Variants in F11R observed in about 807,000 individuals in gnomAD.
The protein encoded by F11R is F11 receptor, also known as junctional adhesion molecule A.
Under a neutral mutation model 39.3 loss-of-function variants are expected in F11R, and 27 were observed. That is an observed-to-expected ratio of 0.69 (90% CI 0.51 to 0.95). The LOEUF (loss-of-function observed/expected upper bound fraction) is 0.95, where lower values mean the gene tolerates loss of function less well. Ranked by LOEUF, F11R falls within the 40% of genes least tolerant of loss-of-function variation. The pLI, the probability that F11R is intolerant of heterozygous loss-of-function variation, is 0.00. For missense variants in F11R, 335 were observed against 372.7 expected (o/e 0.90, Z 0.83); for synonymous variants, 131 against 144.9 (o/e 0.90, Z 0.69).
rs578195113 is a variant in F11R, at chr1:161,016,248, G to A, written c.64+4762C>T. Among the ~76,000 whole-genome samples, 8 of 152,064 alleles carry A rather than the reference G, an allele frequency of 5.3e-5. No homozygotes were observed. In the South Asian group the frequency reaches 1.0e-3, roughly 20 times the overall value. On this transcript the variant is annotated intron_variant, in intron 1 of 9. Transcript: ENST00000368026. ...TCCCAGCACTTTTGGAGGCCGTGGC[G>A]GGCAGATCATGAGGTCAGGAGATCA...
intron 1 of F11R, among the ~76,000 whole-genome samples, chr1:161,015,397 C>CAA (rs72369371): frequency 0.017 from 1,952 of 113,582 alleles, 28 homozygotes; most frequent in Non-Finnish European, 0.022. Context: ...GACTCCATCT[C>CAA]AAAAAAAAAA....
intron 1 of F11R, among the ~76,000 whole-genome samples, chr1:161,007,222 T>G (rs890523510): frequency 2.7e-5 from 4 of 150,726 alleles, no homozygotes; most frequent in Admixed American, 2.0e-4. Context: ...TCCCAGCACT[T>G]TGGGAGGCCA....
intron 1 of F11R, among the ~76,000 whole-genome samples, chr1:161,012,655 G>C (rs2101985316): frequency 6.7e-6 from 1 of 148,818 alleles, no homozygotes; most frequent in South Asian, 2.2e-4. Context: ...CAGAGTTTTT[G>C]CTCTCGTCAC....
chr1:161,016,571 C>T (rs901856736), intron 1 of F11R, among the ~76,000 whole-genome samples: 6 of 151,224 alleles, frequency 4.0e-5, no homozygotes, highest in East Asian at 1.9e-4. Context: ...GCAGGAGAAT[C>T]GCTTGAAGCC....
At position 161,000,687 on chromosome 1, in the gene F11R, A is replaced by G; in HGVS notation, c.332T>C (p.Val111Ala). Residue 111 changes from valine to alanine, a missense_variant, in exon 4 of 10, where the codon GTC becomes GCC. Physicochemically the swap from Val to Ala is moderately conservative, Grantham distance 64. Coordinates refer to ENST00000368026, the MANE Select transcript of F11R (RefSeq NM_016946.6). Reference sequence around the variant, plus strand: ...ATAGCTGTTGCCGCCTTCCTCAGAGACCATACAAGTGTATGTCCCAGTGTC... The same window carrying G: ...ATAGCTGTTGCCGCCTTCCTCAGAGGCCATACAAGTGTATGTCCCAGTGTC... ...REDTGTYTCM[V>A]SEEGGNSYGE... The G allele has an allele frequency of 1.9e-6, 3 of 1,614,132 alleles. No homozygotes were observed. The highest frequency in any genetic ancestry group is 2.5e-6 in the Non-Finnish European group (3 of 1,180,028).
intron 1 of F11R, among the ~76,000 whole-genome samples, chr1:161,017,756 C>T (rs1191141119): frequency 1.3e-5 from 2 of 151,816 alleles, no homozygotes; most frequent in East Asian, 1.9e-4. Flanking sequence ...AGTCTCGTTC[C>T]ACCTTACGAG....
chr1:161,009,317 A>G (rs549832075), intron 1 of F11R, among the ~76,000 whole-genome samples: 3 of 152,252 alleles, frequency 2.0e-5, no homozygotes, highest in African/African-American at 7.2e-5. Context: ...CATGTCTCCC[A>G]TGGTAAACCC....
chr1:161,000,293 C>A lies in F11R; in HGVS notation c.444G>T (p.Arg148=), dbSNP rs532393114. ...CTTGTTCTGAGCATGTCAGCACTGC[C>A]CGGTTCCCAATGGTGGCAGAGGAGG... ...NIPSSATIGN[R]AVLTCSEQDG... The change falls in exon 5 of 10, where the codon CGG becomes CGT. Residue 148 remains arginine (R), a synonymous_variant. Transcript: ENST00000368026. 1.8e-5 allele frequency: 29 copies of A among 1,614,128 alleles called. No homozygotes were observed. The African/African-American group carries it at 2.8e-4, about 16-fold the overall frequency.
chr1:160,999,247 G>T, intron 8 of F11R, 149 bp downstream of exon 8: 1 of 1,422,684 alleles, frequency 7.0e-7, no homozygotes, highest in Non-Finnish European at 9.9e-7. Flanking sequence ...CAGGGCCAAG[G>T]CCACAGAGAA....
At chr1:161,012,982 T>C (rs1260457525) in intron 1 of F11R, among the ~76,000 whole-genome samples, 10 of 152,176 alleles carry the variant, frequency 6.6e-5, no homozygotes, top group Admixed American at 5.2e-4. Flanking sequence ...AGGTTTGTTA[T>C]ATAGATGAAT....
At chr1:161,020,630 C>T (rs1280896509) in intron 1 of F11R, among the ~76,000 whole-genome samples, 1 of 152,208 alleles carries the variant, frequency 6.6e-6, no homozygotes, top group Non-Finnish European at 1.5e-5. Context: ...GCTGGGTGGC[C>T]GTTGGAGGGG....
At position 161,021,088 on chromosome 1, in the gene F11R, C is replaced by G. The variant is rs28365978; in HGVS notation, c.-15G>C. ...TTTGTCCCCATCGCGATCAGGCTCC[C>G]GACACAACAGCCGCCGAAGGACTCC... On this transcript the variant is annotated 5_prime_UTR_variant, in exon 1 of 10. Coordinates refer to ENST00000368026, the MANE Select transcript of F11R (RefSeq NM_016946.6). 1 of 1,609,964 alleles carries G rather than the reference C, an allele frequency of 6.2e-7. No individual in the cohort carries two copies. The highest frequency in any genetic ancestry group is 8.5e-7 in the Non-Finnish European group (1 of 1,177,362).
intron 1 of F11R, among the ~76,000 whole-genome samples, chr1:161,010,443 A>AAAAAAAAAAAAAAAAC (rs1649083732): frequency 6.8e-6 from 1 of 146,818 alleles, no homozygotes; most frequent in African/African-American, 2.6e-5. Context: ...GACTCCATCA[A>AAAAAAAAAAAAAAAAC]AAAAAAAAAA....
chr1:161,016,004 T>C (rs1169701319), intron 1 of F11R, among the ~76,000 whole-genome samples: 2 of 151,982 alleles, frequency 1.3e-5, no homozygotes, highest in Non-Finnish European at 2.9e-5. Context: ...CCACAAGACA[T>C]GATCACAAAG....
intron 1 of F11R, among the ~76,000 whole-genome samples, chr1:161,005,533 G>C (rs1009343498): frequency 6.6e-6 from 1 of 151,982 alleles, no homozygotes; most frequent in Admixed American, 6.6e-5. Flanking sequence ...CACCATGCCT[G>C]GCTAATTTTT....
intron 6 of F11R, 37 bp from the exon 7 acceptor site, chr1:160,999,784 C>T: frequency 6.2e-7 from 1 of 1,608,700 alleles, no homozygotes; most frequent in Non-Finnish European, 8.5e-7. Context: ...CACGGGGATA[C>T]TCACTCACGG....
chr1:161,019,018 A>T (rs767814195), intron 1 of F11R, among the ~76,000 whole-genome samples: 74 of 152,194 alleles, frequency 4.9e-4, no homozygotes, highest in Non-Finnish European at 8.8e-5. Context: ...AAGCAGTGGC[A>T]AAGGATAGGG....
chr1:161,010,073 C>A (rs905724723), intron 1 of F11R, among the ~76,000 whole-genome samples: 42 of 126,322 alleles, frequency 3.3e-4, no homozygotes, highest in Non-Finnish European at 6.2e-4. Flanking sequence ...AAAAAAAAAA[C>A]CTATGAGACA....
At chr1:161,012,114 G>A (rs1025449235) in intron 1 of F11R, among the ~76,000 whole-genome samples, 1 of 152,032 alleles carries the variant, frequency 6.6e-6, no homozygotes, top group African/African-American at 2.4e-5. Context: ...GGAGGTGCTC[G>A]ATGAACTGCA....
Sources: allele counts gnomAD v4.1 joint callset (sites outside exome capture counted in the v4.1 genomes callset), GRCh38; gene constraint gnomAD v4.1.1; transcripts MANE v1.5; gene names NCBI Gene and HGNC (gene_info 2026-07-23, HGNC 2026-07-21).